The following TOP1 variants were observed in gnomAD, a reference collection of about 807,000 sequenced individuals.
The protein encoded by TOP1 is DNA topoisomerase 1.
In TOP1, 10 loss-of-function variants were observed where a neutral mutation model predicts 111.1. The ratio of observed to expected loss-of-function variants is 0.09; its 90% CI spans 0.06 to 0.15. TOP1 has a LOEUF of 0.15. TOP1 is among the 10% of genes least tolerant of loss of function. TOP1 has a pLI of 1.00. For synonymous variants in TOP1, 271 were observed against 302.9 expected, an observed-to-expected ratio of 0.89 and a Z score of 1.10; for missense variants, 474 against 926.7, an observed-to-expected ratio of 0.51 and a Z score of 6.34.
chr20:41,122,007 G>A lies in TOP1; in HGVS notation c.2047G>A (p.Val683Ile), dbSNP rs376919997. 6.8e-6 allele frequency: 11 copies of A among 1,613,786 alleles called. 1 individual carries two copies. In the African/African-American group the frequency reaches 1.1e-4, roughly 16 times the overall value. ...TTGAGGACTTTGCTATTCTTCTAGG[G>A]TAGTAGAGTCAAAGAAGAAGGCTGT... ...KVMKDAKTKK[V>I]VESKKKAVQR... The change falls in exon 20 of 21, where the codon GTA becomes ATA. Residue 683 changes from valine to isoleucine, a missense_variant and splice_region_variant. By Grantham distance (29) the Val-to-Ile change is conservative. Coordinates refer to ENST00000361337, the MANE Select transcript of TOP1 (RefSeq NM_003286.4). The surrounding 1 kb of genome is among the most constrained non-coding windows in gnomAD (Gnocchi z 5.4).
At chr20:41,044,173 G>A (rs373476107) in intron 2 of TOP1, among the ~76,000 whole-genome samples, 2 of 152,212 alleles carry the variant, frequency 1.3e-5, no homozygotes, top group East Asian at 1.9e-4. Context: ...CTACTCGGGA[G>A]GCTGAGGCAG....
intron 3 of TOP1, among the ~76,000 whole-genome samples, chr20:41,073,925 TTAGGCAAAACCTTGTATAGATGACTG>T (rs769348277): frequency 3.3e-5 from 5 of 152,240 alleles, no homozygotes; most frequent in Non-Finnish European, 2.9e-5. Flanking sequence ...TGTTTTGCTT[TTAGGCAAAACCTTGTATAGATGACTG>T]TATACCCTCT....
rs749932325 is a variant in TOP1, at chr20:41,121,960, G to A, written c.2046-46G>A. ...GGCAGGATGGGTACAGTGTGCTCTT[G>A]TCTAGAGCCCAGGCCTGGTTCTTGA... On this transcript the variant is annotated intron_variant, in intron 19 of 20. Coordinates refer to ENST00000361337, the MANE Select transcript of TOP1 (RefSeq NM_003286.4). The surrounding 1 kb of genome is among the most constrained non-coding windows in gnomAD (Gnocchi z 4.2). 2.5e-6 allele frequency: 4 copies of A among 1,609,566 alleles called. No homozygotes were observed. The Admixed American group carries it at 6.7e-5, about 27-fold the overall frequency.
At chr20:41,089,762 C>T (rs1228398149) in intron 8 of TOP1, among the ~76,000 whole-genome samples, 1 of 151,964 alleles carries the variant, frequency 6.6e-6, no homozygotes, top group African/African-American at 2.4e-5. Context: ...CTACCAGGAC[C>T]ACACGAGGGT....
At chr20:41,051,930 T>C (rs1336866355) in intron 2 of TOP1, among the ~76,000 whole-genome samples, 2 of 152,216 alleles carry the variant, frequency 1.3e-5, no homozygotes, top group African/African-American at 4.8e-5. Flanking sequence ...TGTTAACATG[T>C]TTATAATTTC....
In TOP1 at chr20:41,071,797, A is replaced by G. The variant is rs1464798349; in HGVS notation, c.156-4374A>G. 6.6e-6 allele frequency among the ~76,000 whole-genome samples: 1 copy of G among 152,212 alleles called. No individual in the cohort carries two copies. Among genetic ancestry groups the G allele is most frequent in the Non-Finnish European group, 1.5e-5 (1 of 68,040 alleles). Reference sequence around the variant, plus strand: ...CTAGTGTGTTGGAATCTTACCCCATACAGATGCAAACTATGAACCAAGAAG... The same window carrying G: ...CTAGTGTGTTGGAATCTTACCCCATGCAGATGCAAACTATGAACCAAGAAG... On this transcript the variant is annotated intron_variant, in intron 3 of 20. Transcript: ENST00000361337. The surrounding 1 kb of genome is among the most constrained non-coding windows in gnomAD (Gnocchi z 4.3).
At chr20:41,062,203 C>T (rs961047043) in intron 3 of TOP1, among the ~76,000 whole-genome samples, 41 of 152,160 alleles carry the variant, frequency 2.7e-4, no homozygotes, top group African/African-American at 9.4e-4. Context: ...GTGAGAAAGC[C>T]ATATGGTATT....
chr20:41,053,369 G>A (rs1260864266), intron 2 of TOP1, among the ~76,000 whole-genome samples: 1 of 152,118 alleles, frequency 6.6e-6, no homozygotes, highest in Admixed American at 6.5e-5. Context: ...TTGTTCGCTG[G>A]TGGAACCGGG....
intron 8 of TOP1, among the ~76,000 whole-genome samples, chr20:41,086,694 A>G (rs2033853097): frequency 1.3e-5 from 2 of 152,158 alleles, no homozygotes; most frequent in Non-Finnish European, 2.9e-5. Context: ...CTGACAGACC[A>G]TGACTTTTGG....
rs972741540 is a variant in TOP1, at chr20:41,122,582, C to A, written c.2195+427C>A. On this transcript the variant is annotated intron_variant, in intron 20 of 20. Transcript: ENST00000361337. This position sits in a 1 kb window ranked among gnomAD's most constrained non-coding sequence, Gnocchi z 5.4. ...TGAGAATACAGATCTGAGCAACTTA[C>A]ACAGAGAGGCAGAGGGACCTTTAAC... is the stretch of plus-strand genomic sequence containing the variant. 1.3e-5 allele frequency among the ~76,000 whole-genome samples: 2 copies of A among 152,190 alleles called. No individual in the cohort carries two copies. The highest frequency in any genetic ancestry group is 3.9e-4 in the East Asian group (2 of 5,194).
chr20:41,087,437 T>TA (rs1160210419), intron 8 of TOP1, among the ~76,000 whole-genome samples: 1 of 152,250 alleles, frequency 6.6e-6, no homozygotes, highest in Non-Finnish European at 1.5e-5. Flanking sequence ...CATAAAGAAT[T>TA]ACCTGGCGAG....
At chr20:41,035,364 C>T (rs1318475786) in intron 2 of TOP1, among the ~76,000 whole-genome samples, 1 of 152,166 alleles carries the variant, frequency 6.6e-6, no homozygotes, top group East Asian at 1.9e-4. Context: ...CAATTAATTC[C>T]CCTCTGAGCC....
At chr20:41,044,791 AGT>A (rs2033312953) in intron 2 of TOP1, among the ~76,000 whole-genome samples, 3 of 151,650 alleles carry the variant, frequency 2.0e-5, no homozygotes, top group African/African-American at 7.3e-5. Context: ...TGTGTGTGTG[AGT>A]GAGAGAGAGA....
intron 2 of TOP1, among the ~76,000 whole-genome samples, chr20:41,056,489 T>C (rs1218612480): frequency 1.3e-5 from 2 of 152,188 alleles, no homozygotes; most frequent in Non-Finnish European, 2.9e-5. Context: ...ATGTAATAAC[T>C]TTTATTTGTG....
In TOP1 at chr20:41,097,651, G is replaced by A. The variant is rs140465246; in HGVS notation, c.852+310G>A. On this transcript the variant is annotated intron_variant, in intron 10 of 20. Transcript: ENST00000361337. This position sits in a 1 kb window ranked among gnomAD's most constrained non-coding sequence, Gnocchi z 4.2. ...AAGTTTGTCGCTGCAGGACTGCCCC[G>A]TGTCTGCTGTTGCAAAGAGAAATGT... Among the ~76,000 whole-genome samples, 3 of 152,256 alleles carry A rather than the reference G, an allele frequency of 2.0e-5. No individual in the cohort carries two copies. Among genetic ancestry groups the A allele is most frequent in the South Asian group, 2.1e-4 (1 of 4,828 alleles).
rs879864124 is a variant in TOP1, at chr20:41,114,250, C to T, written c.1638+95C>T. The T allele has an allele frequency of 1.8e-6, 2 of 1,128,866 alleles. No homozygotes were observed. The highest frequency in any genetic ancestry group is 1.6e-5 in the African/African-American group (1 of 64,488). 69.9% of individuals were successfully genotyped at this position (1,128,866 alleles called of 1,614,324 possible). ...TGTGTGCTTTGCACTTTGCTGGGCA[C>T]CAGCAAAAGTGACTTGAGACAGGCA... On this transcript the variant is annotated intron_variant, in intron 15 of 20. Coordinates refer to ENST00000361337, the MANE Select transcript of TOP1 (RefSeq NM_003286.4). This position sits in a 1 kb window ranked among gnomAD's most constrained non-coding sequence, Gnocchi z 4.5.
At chr20:41,059,406 T>C (rs979103850) in intron 2 of TOP1, among the ~76,000 whole-genome samples, 2 of 115,816 alleles carry the variant, frequency 1.7e-5, no homozygotes, top group Non-Finnish European at 3.7e-5. Context: ...GCAAAACTGC[T>C]AGAAAATAAA....
chr20:41,056,503 T>C (rs1208732537), intron 2 of TOP1, among the ~76,000 whole-genome samples: 2 of 152,214 alleles, frequency 1.3e-5, no homozygotes, highest in African/African-American at 4.8e-5. Flanking sequence ...ATTTGTGTTT[T>C]AGAGAGAGGG....
chr20:41,122,215 C>T lies in TOP1; in HGVS notation c.2195+60C>T, dbSNP rs952174953. On this transcript the variant is annotated intron_variant, in intron 20 of 20. Coordinates refer to ENST00000361337, the MANE Select transcript of TOP1 (RefSeq NM_003286.4). The surrounding 1 kb of genome is among the most constrained non-coding windows in gnomAD (Gnocchi z 5.4). The stretch of plus-strand genomic sequence containing the variant: ...AGCTTAAGAAAGGTGGAGGGGGTTC[C>T]GAGAGCACTGGTGGCCTTCACATGC... 30 of 1,573,280 alleles carry T rather than the reference C, an allele frequency of 1.9e-5. No homozygotes were observed. Among genetic ancestry groups the T allele is most frequent in the Middle Eastern group, 3.4e-4 (2 of 5,936 alleles).
Sources: gnomAD v4.1 joint callset for allele counts (sites outside exome capture counted in the v4.1 genomes callset) on GRCh38, gnomAD v4.1.1 for gene constraint, Gnocchi (gnomAD v3.1) non-coding constraint, MANE v1.5 for transcripts, NCBI Gene and HGNC (gene_info 2026-07-23, HGNC 2026-07-21) for gene names.